Variants in CTNNA3 observed in about 807,000 individuals in gnomAD.
CTNNA3 encodes catenin alpha 3.
A neutral mutation model predicts 95.7 loss-of-function variants in CTNNA3; 76 were observed. That is an observed-to-expected ratio of 0.79 (90% CI 0.66 to 0.96). The LOEUF is 0.96. Ranked by LOEUF, CTNNA3 falls within the 40% of genes least tolerant of loss-of-function variation. The pLI is 0.00. For missense variants in CTNNA3, 1,191 were observed against 1,089.8 expected (o/e 1.09, Z -1.31); for synonymous variants, 431 against 374.4 (o/e 1.15, Z -1.74).
intron 16 of CTNNA3, 46 bp from the exon 17 acceptor site, chr10:65,966,792 T>A: frequency 6.7e-7 from 1 of 1,485,310 alleles, no homozygotes; most frequent in Non-Finnish European, 9.3e-7. Context: ...GAATAAATAA[T>A]AGTTAGATCA....
intron 7 of CTNNA3, among the ~76,000 whole-genome samples, chr10:67,093,046 A>T (rs1857750986): frequency 6.6e-6 from 1 of 152,036 alleles, no homozygotes; most frequent in Non-Finnish European, 1.5e-5. Context: ...CTTTCTTGGA[A>T]AACGGTGATT....
At chr10:66,208,186 G>A (rs2199531) in intron 13 of CTNNA3, among the ~76,000 whole-genome samples, 5 of 151,942 alleles carry the variant, frequency 3.3e-5, no homozygotes, top group Non-Finnish European at 7.4e-5. Context: ...TTTCTCATCT[G>A]CGGGGTAAGA....
At chr10:66,331,448 G>T (rs1343330647) in intron 12 of CTNNA3, among the ~76,000 whole-genome samples, 1 of 143,672 alleles carries the variant, frequency 7.0e-6, no homozygotes. Context: ...CCGCCTCCCG[G>T]GTTCACGCCA....
intron 1 of CTNNA3, among the ~76,000 whole-genome samples, chr10:67,726,439 A>C (rs868493036): frequency 1.3e-4 from 7 of 53,176 alleles, no homozygotes; most frequent in Admixed American, 3.2e-4. Context: ...TATCATATAT[A>C]ATATATAATA....
intron 6 of CTNNA3, among the ~76,000 whole-genome samples, chr10:67,192,778 G>A (rs946530255): frequency 1.3e-5 from 2 of 151,866 alleles, no homozygotes; most frequent in African/African-American, 4.8e-5. Flanking sequence ...TAAGTAGCTT[G>A]AAAAGACATC....
intron 7 of CTNNA3, among the ~76,000 whole-genome samples, chr10:67,007,821 A>G (rs542707711): frequency 5.3e-5 from 8 of 152,208 alleles, no homozygotes; most frequent in African/African-American, 1.7e-4. Context: ...ACATAACATA[A>G]AAACCATTCA....
At chr10:67,570,515 A>G (rs1437159313) in intron 3 of CTNNA3, among the ~76,000 whole-genome samples, 1 of 152,158 alleles carries the variant, frequency 6.6e-6, no homozygotes, top group East Asian at 1.9e-4. Flanking sequence ...TTGATGTTCA[A>G]CATACTAGTT....
rs923533400 is a variant in CTNNA3, at chr10:66,520,686, T to C, written c.1462A>G (p.Asn488Asp). 2.5e-6 allele frequency: 4 copies of C among 1,612,272 alleles called. No individual in the cohort carries two copies. The highest frequency in any genetic ancestry group is 1.3e-5 in the African/African-American group (1 of 74,918). Reference sequence around the variant, plus strand: ...GCTTCAGTGAGGACATGTATATGATTCTCCCATGTACGCTTGTACATTTCC... The same window carrying C: ...GCTTCAGTGAGGACATGTATATGATCCTCCCATGTACGCTTGTACATTTCC... ...TMEMYKRTWE[N>D]HIHVLTEAVD... is the part of the protein sequence containing the mutation. The change falls in exon 11 of 18, where the codon AAT becomes GAT. Residue 488 changes from asparagine to aspartate, a missense_variant. By Grantham distance (23) the Asn-to-Asp change is conservative. Transcript: ENST00000433211.
intron 5 of CTNNA3, among the ~76,000 whole-genome samples, chr10:67,471,858 C>T (rs1847841560): frequency 6.6e-6 from 1 of 151,902 alleles, no homozygotes; most frequent in Non-Finnish European, 1.5e-5. Flanking sequence ...GGTCTTTCTG[C>T]AAAAAGAATG....
intron 2 of CTNNA3, among the ~76,000 whole-genome samples, chr10:67,634,746 G>A (rs553717399): frequency 1.3e-3 from 195 of 152,288 alleles, no homozygotes; most frequent in African/African-American, 4.5e-3. Context: ...ATTACATAAT[G>A]ATAAAGGGTT....
intron 10 of CTNNA3, among the ~76,000 whole-genome samples, chr10:66,564,480 C>A (rs556926648): frequency 7.9e-5 from 12 of 152,244 alleles, no homozygotes; most frequent in Admixed American, 7.9e-4. Flanking sequence ...AGCCTCTCTG[C>A]AAATAGAAAG....
chr10:66,304,834 C>T (rs1475945468), intron 12 of CTNNA3, among the ~76,000 whole-genome samples: 8 of 151,990 alleles, frequency 5.3e-5, no homozygotes, highest in Non-Finnish European at 8.8e-5. Context: ...GAGACAGGAC[C>T]ATGAGGTAAG....
At chr10:66,548,817 C>T (rs915903433) in intron 10 of CTNNA3, among the ~76,000 whole-genome samples, 1 of 150,560 alleles carries the variant, frequency 6.6e-6, no homozygotes, top group African/African-American at 2.5e-5. Flanking sequence ...TCTAGTTGGT[C>T]ATAACATATT....
chr10:66,425,911 T>G (rs1435077889), intron 11 of CTNNA3, among the ~76,000 whole-genome samples: 1 of 152,050 alleles, frequency 6.6e-6, no homozygotes, highest in Non-Finnish European at 1.5e-5. Context: ...CTGCTCTTTT[T>G]CCAAGGATGA....
chr10:67,173,296 T>C (rs537020400), intron 7 of CTNNA3, among the ~76,000 whole-genome samples: 1 of 152,264 alleles, frequency 6.6e-6, no homozygotes, highest in Admixed American at 6.5e-5. Flanking sequence ...TGCAGGAACC[T>C]GCCTCATCCA....
chr10:66,170,008 A>G (rs2085334959), intron 13 of CTNNA3, among the ~76,000 whole-genome samples: 1 of 152,060 alleles, frequency 6.6e-6, no homozygotes, highest in Non-Finnish European at 1.5e-5. Context: ...TTTCTGTGCA[A>G]AAGCCCCTTA....
At chr10:66,079,259 AG>A (rs1347906877) in intron 14 of CTNNA3, 1 of 151,974 alleles carries the variant, frequency 6.6e-6, no homozygotes, top group Non-Finnish European at 1.5e-5. Context: ...GCTCTCAAAC[AG>A]TTTAAAAGAT....
At chr10:67,712,245 A>G (rs1841115486) in intron 1 of CTNNA3, among the ~76,000 whole-genome samples, 1 of 152,224 alleles carries the variant, frequency 6.6e-6, no homozygotes, top group African/African-American at 2.4e-5. Flanking sequence ...AGCAAAGTAA[A>G]AAAGCTTGGA....
chr10:67,380,276 A>G (rs1359631612), intron 5 of CTNNA3, among the ~76,000 whole-genome samples: 1 of 152,176 alleles, frequency 6.6e-6, no homozygotes, highest in Non-Finnish European at 1.5e-5. Flanking sequence ...GCAACATGAA[A>G]TTTTTCATTC....
Sources: allele counts gnomAD v4.1 joint callset (sites outside exome capture counted in the v4.1 genomes callset), GRCh38; gene constraint gnomAD v4.1.1; transcripts MANE v1.5; gene names NCBI Gene and HGNC (gene_info 2026-07-23, HGNC 2026-07-21).